PRIM2: variants seen among roughly 807,000 people sequenced by gnomAD.
PRIM2 encodes DNA primase large subunit.
PRIM2 carries 39 observed loss-of-function variants against 67.3 expected under a neutral mutation model. That is an observed-to-expected ratio of 0.58 (90% CI 0.45 to 0.76). PRIM2 has a LOEUF of 0.76. PRIM2 is among the 30% of genes least tolerant of loss of function. The pLI is 0.00. For synonymous variants in PRIM2, 143 were observed against 198.7 expected (o/e 0.72, Z 2.36); for missense variants, 398 against 598.7 (o/e 0.66, Z 3.50).
At chr6:57,635,011 G>A (rs1438675054) in intron 13 of PRIM2, among the ~76,000 whole-genome samples, 1 of 151,968 alleles carries the variant, frequency 6.6e-6, no homozygotes, top group African/African-American at 2.4e-5. Context: ...TATTTTTACT[G>A]TCAGGTTTCT....
At chr6:57,595,587 G>A (rs1776351618) in intron 10 of PRIM2, among the ~76,000 whole-genome samples, 4 of 152,134 alleles carry the variant, frequency 2.6e-5, no homozygotes, top group Non-Finnish European at 5.9e-5. Flanking sequence ...CAAGTGGGAG[G>A]TTACCACAAC....
At chr6:57,323,824 C>T (rs1767743425) in intron 3 of PRIM2, among the ~76,000 whole-genome samples, 1 of 151,868 alleles carries the variant, frequency 6.6e-6, no homozygotes, top group Admixed American at 6.6e-5. Flanking sequence ...GGTGTGGTGG[C>T]TCATGCCTGT....
chr6:57,274,112 T>A, the PRIM2 span, among the ~76,000 whole-genome samples: 1 of 152,322 alleles, frequency 6.6e-6, no homozygotes, highest in East Asian at 1.9e-4. Context: ...CGTTCTCAGA[T>A]CTCCAGCTGC....
intron 10 of PRIM2, among the ~76,000 whole-genome samples, chr6:57,564,165 C>T (rs1466816283): frequency 1.3e-5 from 2 of 152,176 alleles, no homozygotes; most frequent in Non-Finnish European, 2.9e-5. Flanking sequence ...CCCTCTGAAA[C>T]ATTGCTTTTC....
At chr6:57,317,179 G>A (rs1767506210), upstream of PRIM2, among the ~76,000 whole-genome samples, 1 of 150,778 alleles carries the variant, frequency 6.6e-6, no homozygotes, top group African/African-American at 2.4e-5. Flanking sequence ...GGAAAAAAAA[G>A]AGCCCCTAAT....
intron 7 of PRIM2, among the ~76,000 whole-genome samples, chr6:57,466,893 G>A (rs2127400072): frequency 6.6e-6 from 1 of 152,252 alleles, no homozygotes; most frequent in South Asian, 2.1e-4. Flanking sequence ...GCTGAGGCAG[G>A]CTGATCACCT....
chr6:57,353,399 A>C (rs1414614638), intron 5 of PRIM2, among the ~76,000 whole-genome samples: 1 of 152,192 alleles, frequency 6.6e-6, no homozygotes, highest in Non-Finnish European at 1.5e-5. Context: ...GTGTTTAGAA[A>C]GGATAACTTA....
chr6:57,414,804 G>A (rs1191818397), intron 7 of PRIM2, among the ~76,000 whole-genome samples: 1 of 151,886 alleles, frequency 6.6e-6, no homozygotes, highest in Non-Finnish European at 1.5e-5. Flanking sequence ...TAGCCTTTAT[G>A]CCTTTGTTCT....
the PRIM2 span, among the ~76,000 whole-genome samples, chr6:57,285,975 A>G: frequency 1.3e-5 from 2 of 152,240 alleles, no homozygotes; most frequent in Non-Finnish European, 2.9e-5. Context: ...AGACAAACAA[A>G]GAGCCAAATC....
At chr6:57,247,401 G>T in the PRIM2 span, among the ~76,000 whole-genome samples, 2 of 152,162 alleles carry the variant, frequency 1.3e-5, no homozygotes, top group Non-Finnish European at 2.9e-5. Flanking sequence ...AATTTGTAAA[G>T]TGCTTAATAA....
intron 7 of PRIM2, among the ~76,000 whole-genome samples, chr6:57,485,192 T>A (rs1356702899): frequency 2.6e-5 from 4 of 152,002 alleles, no homozygotes; most frequent in Admixed American, 2.0e-4. Flanking sequence ...AATCATACTT[T>A]CACATCCTTC....
intron 10 of PRIM2, among the ~76,000 whole-genome samples, chr6:57,538,265 TCTC>T (rs1447135689): frequency 4.6e-5 from 7 of 152,124 alleles, no homozygotes; most frequent in African/African-American, 1.4e-4. Context: ...CTCAAGCTGT[TCTC>T]CTGCCTTGGC....
At position 57,415,909 on chromosome 6, in the gene PRIM2, C is replaced by T. The variant is rs552495707; in HGVS notation, c.693+33741C>T. Reference sequence around the variant, plus strand: ...CTAATTCGAGTTCTCTTGTGATTTCCACCACATTTGCAGTGAACTTCCTCC... The same window carrying T: ...CTAATTCGAGTTCTCTTGTGATTTCTACCACATTTGCAGTGAACTTCCTCC... On this transcript the variant is annotated intron_variant, in intron 7 of 13. Coordinates refer to ENST00000615550, the MANE Select transcript of PRIM2 (RefSeq NM_000947.5). Among the ~76,000 whole-genome samples the T allele has an allele frequency of 5.0e-3, 761 of 152,242 alleles. 9 individuals carry two copies. The highest frequency in any genetic ancestry group is 0.017 in the African/African-American group (721 of 41,552).
the PRIM2 span, among the ~76,000 whole-genome samples, chr6:57,262,939 A>G: frequency 6.6e-6 from 1 of 152,162 alleles, no homozygotes. Flanking sequence ...TAAACATTTT[A>G]TACTTATCAA....
the PRIM2 span, among the ~76,000 whole-genome samples, chr6:57,227,094 A>G: frequency 1.7e-3 from 254 of 152,160 alleles, no homozygotes; most frequent in African/African-American, 5.0e-3. Context: ...TTTACTGCCC[A>G]AGTCTTTCTC....
chr6:57,610,201 T>C (rs1776640100), intron 12 of PRIM2, among the ~76,000 whole-genome samples: 1 of 152,198 alleles, frequency 6.6e-6, no homozygotes. Context: ...CCCAAGTAGC[T>C]GGCATTACAG....
chr6:57,295,703 TAAC>T, the PRIM2 span, among the ~76,000 whole-genome samples: 1 of 152,198 alleles, frequency 6.6e-6, no homozygotes, highest in Non-Finnish European at 1.5e-5. Context: ...TGCCAAATCT[TAAC>T]TACCAATTGC....
At chr6:57,491,579 G>A (rs1478177978) in intron 7 of PRIM2, among the ~76,000 whole-genome samples, 39 of 152,126 alleles carry the variant, frequency 2.6e-4, no homozygotes, top group African/African-American at 7.5e-4. Context: ...TTTTAGAAAC[G>A]TGCTTTTACA....
chr6:57,619,463 C>T (rs1776813194), intron 12 of PRIM2, among the ~76,000 whole-genome samples: 1 of 152,096 alleles, frequency 6.6e-6, no homozygotes, highest in South Asian at 2.1e-4. Context: ...AGTTATTAAG[C>T]TAATCAGGGA....
Sources: gnomAD v4.1 joint callset for allele counts (sites outside exome capture counted in the v4.1 genomes callset) on GRCh38, gnomAD v4.1.1 for gene constraint, MANE v1.5 for transcripts, NCBI Gene and HGNC (gene_info 2026-07-23, HGNC 2026-07-21) for gene names.